The following PCDHA2 variants were observed in gnomAD, a reference collection of about 807,000 sequenced individuals.
PCDHA2 encodes protocadherin alpha-2.
In PCDHA2, 58 loss-of-function variants were observed where a neutral mutation model predicts 66.0. The observed-to-expected ratio is 0.88, with a 90% confidence interval of 0.71 to 1.09. The LOEUF (loss-of-function observed/expected upper bound fraction) is 1.09, where lower values mean the gene tolerates loss of function less well. PCDHA2 is among the 50% of genes least tolerant of loss of function. The pLI is 0.00. For missense variants in PCDHA2, 1,267 were observed against 1,242.3 expected, an observed-to-expected ratio of 1.02 and a Z score of -0.30; for synonymous variants, 634 against 554.0, an observed-to-expected ratio of 1.14 and a Z score of -2.03.
intron 1 of PCDHA2, chr5:140,877,370 C>G (rs781905172): frequency 6.2e-7 from 1 of 1,614,004 alleles, no homozygotes; most frequent in Admixed American, 1.7e-5. Context: ...GAGATCAGCA[C>G]GACACGCATC....
chr5:140,842,598 C>T lies in PCDHA2; in HGVS notation c.2388+45246C>T, dbSNP rs1554139208. Reference sequence around the variant, plus strand: ...GTGTCGGCCTATGAGTTGGTGGTAACCGCGCGGGACGGGGGCTCGCCTTCG... The same window carrying T: ...GTGTCGGCCTATGAGTTGGTGGTAATCGCGCGGGACGGGGGCTCGCCTTCG... On this transcript the variant is annotated intron_variant, in intron 1 of 3. Transcript: ENST00000526136. 3 of 1,542,098 alleles carry T rather than the reference C, an allele frequency of 1.9e-6. 1 individual carries two copies. Among genetic ancestry groups the T allele is most frequent in the Non-Finnish European group, 2.7e-6 (3 of 1,131,600 alleles).
intron 1 of PCDHA2, among the ~76,000 whole-genome samples, chr5:140,909,596 T>C (rs2074597089): frequency 6.6e-6 from 1 of 152,222 alleles, no homozygotes; most frequent in South Asian, 2.1e-4. Context: ...TGATTTACTA[T>C]TTTTCTAGGT....
At chr5:140,841,405 C>A (rs2150314710) in intron 1 of PCDHA2, 18 of 1,613,112 alleles carry the variant, frequency 1.1e-5, no homozygotes, top group South Asian at 4.4e-5. Flanking sequence ...AGGTGGGGAG[C>A]GGCCAGCTCC....
At position 140,883,606 on chromosome 5, in the gene PCDHA2, C is replaced by G; in HGVS notation, c.2388+86254C>G. 3 of 1,613,944 alleles carry G rather than the reference C, an allele frequency of 1.9e-6. No homozygotes were observed. In the African/African-American group the frequency reaches 4.0e-5, roughly 22 times the overall value. On this transcript the variant is annotated intron_variant, in intron 1 of 3. Coordinates refer to ENST00000526136, the MANE Select transcript of PCDHA2 (RefSeq NM_018905.3). ...CGGCCAGCGTGTCGGTGGGGGTGGC[C>G]GACGTGAACGACAACGCGCCGGCGT...
chr5:140,957,541 A>C (rs2153713960), intron 1 of PCDHA2, among the ~76,000 whole-genome samples: 1 of 152,298 alleles, frequency 6.6e-6, no homozygotes, highest in South Asian at 2.1e-4. Flanking sequence ...GATCTTAGAA[A>C]GTATTCTCTG....
intron 1 of PCDHA2, chr5:140,842,100 C>G: frequency 1.2e-6 from 2 of 1,613,850 alleles, no homozygotes; most frequent in Non-Finnish European, 1.7e-6. Flanking sequence ...AACGGAACAA[C>G]AGTTATCAAA....
rs2150499938 is a variant in PCDHA2 at position 140,850,836 on chromosome 5, G to A, written c.2388+53484G>A. ...CAGCCCGGGCCTTTCTCCTTGTGCT[G>A]GATCTACAGAGCGAACGGGAGAACC... is the stretch of plus-strand genomic sequence containing the variant. On this transcript the variant is annotated intron_variant, in intron 1 of 3. Coordinates refer to ENST00000526136, the MANE Select transcript of PCDHA2 (RefSeq NM_018905.3). The A allele has an allele frequency of 1.2e-5, 19 of 1,597,640 alleles. 1 individual carries two copies. Among genetic ancestry groups the A allele is most frequent in the South Asian group, 3.3e-5 (3 of 90,540 alleles).
intron 1 of PCDHA2, among the ~76,000 whole-genome samples, chr5:140,881,717 G>A (rs374516377): frequency 2.6e-5 from 4 of 152,160 alleles, no homozygotes; most frequent in African/African-American, 9.7e-5. Flanking sequence ...GTGTGAGGAG[G>A]TCTTGAAAAA....
At chr5:140,920,794 A>G (rs1433275588) in intron 1 of PCDHA2, among the ~76,000 whole-genome samples, 2 of 151,776 alleles carry the variant, frequency 1.3e-5, no homozygotes, top group Admixed American at 6.6e-5. Flanking sequence ...CAGGGAACCA[A>G]GATCACGCCA....
intron 1 of PCDHA2, chr5:140,815,069 T>C (rs1392861131): frequency 6.6e-6 from 1 of 152,164 alleles, no homozygotes; most frequent in Admixed American, 6.5e-5. Flanking sequence ...TTTCAGGCTA[T>C]CCAGGTCTTT....
In PCDHA2 at chr5:140,998,188, AG is replaced by A. The variant is rs375338994; in HGVS notation, c.2537-11438del. On this transcript the variant is annotated intron_variant, in intron 3 of 3. Transcript: ENST00000526136. ...CAAGTATTATTCTAAGCACTTTACAAGTATTAACTCCTTTAATCTGTATAAC... is the reference window on the plus strand; with the variant it reads ...CAAGTATTATTCTAAGCACTTTACAATATTAACTCCTTTAATCTGTATAAC... Among the ~76,000 whole-genome samples, 972 of 152,318 alleles carry A rather than the reference AG, an allele frequency of 6.4e-3. 14 individuals are homozygous for A. Among genetic ancestry groups the A allele is most frequent in the African/African-American group, 0.023 (946 of 41,556 alleles).
intron 1 of PCDHA2, chr5:140,859,116 A>G (rs1210233743): frequency 6.7e-6 from 1 of 150,046 alleles, no homozygotes; most frequent in Non-Finnish European, 1.5e-5. Flanking sequence ...AAGAAAATGT[A>G]TGTTTCTTTT....
intron 1 of PCDHA2, among the ~76,000 whole-genome samples, chr5:140,942,138 T>C (rs1269073266): frequency 1.3e-5 from 2 of 152,240 alleles, no homozygotes; most frequent in African/African-American, 4.8e-5. Flanking sequence ...TTTGTGGCTT[T>C]ACTTGACATA....
Position 140,876,997 on chromosome 5 carries a change from T to G in PCDHA2, c.2388+79645T>G, listed in dbSNP as rs1024280391. 6.8e-6 allele frequency: 11 copies of G among 1,612,358 alleles called. No homozygotes were observed. The African/African-American group carries it at 1.1e-4, about 16-fold the overall frequency. On this transcript the variant is annotated intron_variant, in intron 1 of 3. Transcript: ENST00000526136. ...CGAGCACGCACTGTCGAGCTACGTG[T>G]CGGTGCACGCGGAGAGCGGCAAGGT...
Position 140,858,037 on chromosome 5 carries a change from T to G in PCDHA2, c.2388+60685T>G, listed in dbSNP as rs782428899. On this transcript the variant is annotated intron_variant, in intron 1 of 3. Coordinates refer to ENST00000526136, the MANE Select transcript of PCDHA2 (RefSeq NM_018905.3). The stretch of plus-strand genomic sequence containing the variant: ...AGCCGTCGCTGACGGCCACGGCCAC[T>G]GTGCTTGTGTCGCTTGTGGAGGGCA... 6 of 1,596,390 alleles carry G rather than the reference T, an allele frequency of 3.8e-6. 1 individual carries two copies. The highest frequency in any genetic ancestry group is 5.1e-6 in the Non-Finnish European group (6 of 1,167,344).
intron 3 of PCDHA2, among the ~76,000 whole-genome samples, chr5:141,000,421 ATTTT>A (rs34755515): frequency 0.018 from 509 of 27,798 alleles, 2 homozygotes; most frequent in African/African-American, 0.027. Context: ...ATATATATAT[ATTTT>A]TTTTTTTTTT....
intron 1 of PCDHA2, among the ~76,000 whole-genome samples, chr5:140,890,116 G>A (rs1290402695): frequency 6.6e-6 from 1 of 152,142 alleles, no homozygotes; most frequent in East Asian, 1.9e-4. Flanking sequence ...ATTCAATGAT[G>A]TCACTTTGGT....
intron 1 of PCDHA2, chr5:140,814,957 T>C (rs1374937016): frequency 6.6e-6 from 1 of 152,232 alleles, no homozygotes; most frequent in Non-Finnish European, 1.5e-5. Flanking sequence ...TTGTCTCTTA[T>C]GACACTTTTT....
chr5:140,830,635 C>A, intron 1 of PCDHA2: 1 of 507,538 alleles, frequency 2.0e-6, no homozygotes, highest in Non-Finnish European at 3.1e-6. Flanking sequence ...ATTTTAATCT[C>A]TTTGCTTCTT....
Sources: gnomAD v4.1 joint callset for allele counts (sites outside exome capture counted in the v4.1 genomes callset) on GRCh38, gnomAD v4.1.1 for gene constraint, MANE v1.5 for transcripts, NCBI Gene and HGNC (gene_info 2026-07-23, HGNC 2026-07-21) for gene names.